Variants in BEND4 observed in about 807,000 individuals in gnomAD.
The protein encoded by BEND4 is BEN domain-containing protein 4.
Under a neutral mutation model 54.7 loss-of-function variants are expected in BEND4, and 27 were observed. The observed-to-expected ratio is 0.49, with a 90% confidence interval of 0.36 to 0.68. The LOEUF is 0.68. Ranked by LOEUF, BEND4 falls within the 30% of genes least tolerant of loss-of-function variation. The probability of loss-of-function intolerance (pLI) is 0.00; values close to 1 mark genes in which losing one functional copy is unlikely to be tolerated. For synonymous variants in BEND4, 327 were observed against 299.5 expected (o/e 1.09, Z -0.95); for missense variants, 702 against 697.2 (o/e 1.01, Z -0.08).
intron 4 of BEND4, among the ~76,000 whole-genome samples, chr4:42,121,910 G>A (rs551906028): frequency 2.6e-5 from 4 of 152,234 alleles, no homozygotes; most frequent in South Asian, 2.1e-4. Context: ...CAGAGGCTAC[G>A]GCTGGGAGGA....
At chr4:42,128,532 A>T (rs373929315) in intron 3 of BEND4, among the ~76,000 whole-genome samples, 1 of 146,214 alleles carries the variant, frequency 6.8e-6, no homozygotes, top group Non-Finnish European at 1.5e-5. Flanking sequence ...GCTGAGGCAG[A>T]AGAATGGCAT....
At chr4:42,135,892 T>C (rs939810204) in intron 3 of BEND4, among the ~76,000 whole-genome samples, 3 of 152,206 alleles carry the variant, frequency 2.0e-5, no homozygotes, top group African/African-American at 4.8e-5. Flanking sequence ...CAATCACAGA[T>C]ACCAAGTAGC....
chr4:42,118,388 G>A (rs1250065928), intron 5 of BEND4, among the ~76,000 whole-genome samples: 4 of 152,098 alleles, frequency 2.6e-5, no homozygotes, highest in South Asian at 2.1e-4. Context: ...GTGAACTGTC[G>A]CAGCTGCCTC....
At chr4:42,147,658 A>G (rs575980036) in intron 2 of BEND4, among the ~76,000 whole-genome samples, 3 of 152,132 alleles carry the variant, frequency 2.0e-5, no homozygotes, top group South Asian at 4.2e-4. Context: ...ACTTCTCTCT[A>G]ATTTATTTTG....
intron 3 of BEND4, among the ~76,000 whole-genome samples, chr4:42,132,324 G>C (rs976920628): frequency 1.3e-5 from 2 of 152,244 alleles, no homozygotes; most frequent in African/African-American, 4.8e-5. Flanking sequence ...AGGGAAGAGA[G>C]AGTGAGTCTT....
At chr4:42,150,762 G>A (rs1577773131) in intron 2 of BEND4, among the ~76,000 whole-genome samples, 1 of 152,222 alleles carries the variant, frequency 6.6e-6, no homozygotes, top group Non-Finnish European at 1.5e-5. Flanking sequence ...GGCAGCGCCC[G>A]CAGACTCGAG....
intron 3 of BEND4, among the ~76,000 whole-genome samples, chr4:42,131,762 T>C (rs1029221431): frequency 5.3e-5 from 8 of 151,856 alleles, no homozygotes; most frequent in African/African-American, 1.9e-4. Context: ...CCAGTAAGAC[T>C]GAAGACAAGG....
intron 4 of BEND4, among the ~76,000 whole-genome samples, chr4:42,121,571 T>G (rs1160602403): frequency 6.6e-6 from 1 of 152,224 alleles, no homozygotes; most frequent in Non-Finnish European, 1.5e-5. Flanking sequence ...AGGAACTGAA[T>G]TATCATGAGT....
intron 3 of BEND4, among the ~76,000 whole-genome samples, chr4:42,140,753 T>C (rs949747086): frequency 6.8e-6 from 1 of 146,254 alleles, no homozygotes; most frequent in Admixed American, 6.7e-5. Flanking sequence ...AATTAGACAA[T>C]AATACTTGGG....
intron 3 of BEND4, among the ~76,000 whole-genome samples, chr4:42,142,945 C>T (rs1488886722): frequency 6.6e-6 from 1 of 152,198 alleles, no homozygotes; most frequent in East Asian, 1.9e-4. Context: ...TTCAGTACTA[C>T]TTGAGTCCTG....
At chr4:42,125,273 C>G (rs1276462722) in intron 4 of BEND4, among the ~76,000 whole-genome samples, 1 of 152,194 alleles carries the variant, frequency 6.6e-6, no homozygotes, top group Non-Finnish European at 1.5e-5. Context: ...CAGGCTCTGT[C>G]TGAGGGAATG....
At chr4:42,141,488 T>C (rs1577764252) in intron 3 of BEND4, among the ~76,000 whole-genome samples, 1 of 152,176 alleles carries the variant, frequency 6.6e-6, no homozygotes, top group South Asian at 2.1e-4. Flanking sequence ...TCCCAGCACT[T>C]TGGGGGGCCA....
Position 42,143,989 on chromosome 4 carries a change from G to A in BEND4, c.493C>T (p.Arg165Ter). The change falls in exon 3 of 6, where the codon CGA (arginine) becomes TGA (stop). Residue 165 changes from arginine to a stop codon, truncating the protein, a stop_gained. Coordinates refer to ENST00000502486, the MANE Select transcript of BEND4 (RefSeq NM_207406.4). LOFTEE classifies it high-confidence loss of function. Reference protein sequence around the residue: ...SASLELSAESRMILDAFAQQC... With the variant: ...SASLELSAES The stretch of plus-strand genomic sequence containing the variant: ...TGGGCAAAGGCATCCAAGATCATTC[G>A]ACTCTCTGAAACAAATGAAAGGACA... The A allele has an allele frequency of 1.9e-6, 3 of 1,573,170 alleles. No individual in the cohort carries two copies. Among genetic ancestry groups the A allele is most frequent in the Non-Finnish European group, 2.6e-6 (3 of 1,162,976 alleles).
At chr4:42,144,455 G>T (rs1325213868) in intron 2 of BEND4, among the ~76,000 whole-genome samples, 1 of 152,200 alleles carries the variant, frequency 6.6e-6, no homozygotes. Context: ...AATCCCTGCA[G>T]AGAGTACATA....
chr4:42,152,401 G>A (rs998558673), intron 1 of BEND4, 25 bp from the exon 2 acceptor site: 1 of 255,700 alleles, frequency 3.9e-6, no homozygotes. Context: ...GAGGTAAAGA[G>A]CAAGTGTTTA....
At chr4:42,133,772 A>G (rs1042769279) in intron 3 of BEND4, among the ~76,000 whole-genome samples, 4 of 152,130 alleles carry the variant, frequency 2.6e-5, no homozygotes, top group South Asian at 2.1e-4. Context: ...GGAGAATGGC[A>G]TGACCCGGGA....
At chr4:42,138,075 TCTC>T (rs1720755187) in intron 3 of BEND4, among the ~76,000 whole-genome samples, 1 of 152,096 alleles carries the variant, frequency 6.6e-6, no homozygotes. Context: ...CAGCAAAACT[TCTC>T]CTGGACATAT....
intron 3 of BEND4, among the ~76,000 whole-genome samples, chr4:42,140,451 G>A (rs1489733113): frequency 2.6e-5 from 4 of 152,080 alleles, no homozygotes; most frequent in African/African-American, 7.2e-5. Context: ...GTTCAAGTTC[G>A]GGGACGGGAT....
intron 3 of BEND4, among the ~76,000 whole-genome samples, chr4:42,128,017 A>G (rs73235522): frequency 6.6e-6 from 1 of 152,214 alleles, no homozygotes; most frequent in Non-Finnish European, 1.5e-5. Context: ...TCAAACCATT[A>G]GCTGGGTGTG....
Sources: gnomAD v4.1 joint callset for allele counts (sites outside exome capture counted in the v4.1 genomes callset) on GRCh38, gnomAD v4.1.1 for gene constraint, MANE v1.5 for transcripts, NCBI Gene and HGNC (gene_info 2026-07-23, HGNC 2026-07-21) for gene names.